Variants in CELF5 observed in about 807,000 individuals in gnomAD.
CELF5 encodes the protein CUG-BP and ETR-3 like factor 5.
A neutral mutation model predicts 54.9 loss-of-function variants in CELF5; 6 were observed. The observed-to-expected ratio is 0.11, with a 90% CI of 0.06 to 0.22. The LOEUF (loss-of-function observed/expected upper bound fraction) is 0.22. CELF5 is among the 10% of genes least tolerant of loss of function. The probability of loss-of-function intolerance (pLI) is 1.00; values close to 1 mark genes in which losing one functional copy is unlikely to be tolerated. For synonymous variants in CELF5, 271 were observed against 290.9 expected (o/e 0.93, Z 0.70); for missense variants, 401 against 678.6 (o/e 0.59, Z 4.54).
intron 2 of CELF5, among the ~76,000 whole-genome samples, chr19:3,270,455 G>A (rs1439579869): frequency 6.6e-6 from 1 of 151,650 alleles, no homozygotes; most frequent in East Asian, 1.9e-4. Context: ...CGACAGGAGG[G>A]GTGGGGTGTG....
chr19:3,276,201 G>A (rs1288893974), intron 4 of CELF5, among the ~76,000 whole-genome samples: 2 of 130,496 alleles, frequency 1.5e-5, no homozygotes, highest in East Asian at 4.7e-4. Context: ...GGCCTGGGGA[G>A]GGGATGGGGC....
At chr19:3,227,258 C>T (rs1916977793) in intron 1 of CELF5, among the ~76,000 whole-genome samples, 1 of 152,156 alleles carries the variant, frequency 6.6e-6, no homozygotes, top group African/African-American at 2.4e-5. Flanking sequence ...GTTTGGGGCT[C>T]AGCTGTGTGA....
At position 3,290,168 on chromosome 19, in the gene CELF5, TC is replaced by T. The variant is rs900363663; in HGVS notation, c.1187-58del. 8 of 1,400,766 alleles carry T rather than the reference TC, an allele frequency of 5.7e-6. No individual in the cohort carries two copies. The African/African-American group carries it at 9.9e-5, about 17-fold the overall frequency. 86.8% of individuals were successfully genotyped at this position (1,400,766 alleles called of 1,614,324 possible). Reference sequence around the variant, plus strand: ...GATGCGGGCTCCAGACCTGTGCCCCTCCCCCGGGGGGGTTCGCCTCCTCTCC... The same window carrying T: ...GATGCGGGCTCCAGACCTGTGCCCCTCCCCGGGGGGGTTCGCCTCCTCTCC... On this transcript the variant is annotated intron_variant, in intron 10 of 12. Transcript: ENST00000292672.
chr19:3,268,533 G>T lies in CELF5; in HGVS notation c.343-5339G>T, dbSNP rs779605836. 6.6e-6 allele frequency among the ~76,000 whole-genome samples: 1 copy of T among 152,184 alleles called. No individual in the cohort carries two copies. The highest frequency in any genetic ancestry group is 1.5e-5 in the Non-Finnish European group (1 of 68,044). On this transcript the variant is annotated intron_variant, in intron 2 of 12. Coordinates refer to ENST00000292672, the MANE Select transcript of CELF5 (RefSeq NM_021938.4). This position sits in a 1 kb window ranked among gnomAD's most constrained non-coding sequence, Gnocchi z 4.4. ...GGCACCAGCTCTTGGGTGACTTCCC[G>T]TGCCAGGCACTGTGCCCGGCATGCT...
rs564672278 is a variant in CELF5 at position 3,260,094 on chromosome 19, C to T, written c.342+9027C>T. ...TATATCCCAATTCTTACCATTTTAACATGCAGTCTATGTATTTCTATTTTT... is the reference window on the plus strand; with the variant it reads ...TATATCCCAATTCTTACCATTTTAATATGCAGTCTATGTATTTCTATTTTT... On this transcript the variant is annotated intron_variant, in intron 2 of 12. Coordinates refer to ENST00000292672, the MANE Select transcript of CELF5 (RefSeq NM_021938.4). Among the ~76,000 whole-genome samples, 27 of 152,236 alleles carry T rather than the reference C, an allele frequency of 1.8e-4. No individual in the cohort carries two copies. The South Asian group carries it at 5.2e-3, about 29-fold the overall frequency.
rs796773123 is a variant in CELF5, at chr19:3,232,741, A to G, written c.259+7743A>G. On this transcript the variant is annotated intron_variant, in intron 1 of 12. Transcript: ENST00000292672. Reference sequence around the variant, plus strand: ...AGGATTGCTTGAGCCCAGGAGTTCCAGACCAGCCTGGGCAACATAGCAAGA... The same window carrying G: ...AGGATTGCTTGAGCCCAGGAGTTCCGGACCAGCCTGGGCAACATAGCAAGA... Among the ~76,000 whole-genome samples, 9 of 152,034 alleles carry G rather than the reference A, an allele frequency of 5.9e-5. 1 individual carries two copies. The highest frequency in any genetic ancestry group is 2.2e-4 in the African/African-American group (9 of 41,476).
rs373202136 is a variant in CELF5, at chr19:3,278,067, C to T, written c.560C>T (p.Ala187Val). Reference sequence around the variant, plus strand: ...GTGAAGTTCTCCTCCCACACGGAGGCGCAGGCGGCCATCCACGCCTTGCAT... The same window carrying T: ...GTGAAGTTCTCCTCCCACACGGAGGTGCAGGCGGCCATCCACGCCTTGCAT... ...AFVKFSSHTE[A>V]QAAIHALHGS... Residue 187 changes from alanine (A) to valine (V), a missense_variant, in exon 5 of 13, where the codon GCG (alanine) becomes GTG (valine). By Grantham distance (64) the Ala-to-Val change is moderately conservative. Transcript: ENST00000292672. The surrounding 1 kb of genome is among the most constrained non-coding windows in gnomAD (Gnocchi z 4.5). The T allele has an allele frequency of 6.2e-7, 1 of 1,612,054 alleles. No individual in the cohort carries two copies.
rs764215603 is a variant in CELF5, at chr19:3,275,902, G to A, written c.441G>A (p.Glu147=). 3 of 1,612,588 alleles carry A rather than the reference G, an allele frequency of 1.9e-6. No homozygotes were observed. In the South Asian group the frequency reaches 3.3e-5, roughly 18 times the overall value. ...GGATGCTGAACAAGCAGCAGTCGGA[G>A]GAGGACGTGCTGCGGCTGTTCCAGC... The part of the protein sequence containing the change: ...FVGMLNKQQS[E]EDVLRLFQPF... Residue 147 remains glutamate, a synonymous_variant, in exon 4 of 13, where the codon GAG becomes GAA. Transcript: ENST00000292672. This position sits in a 1 kb window ranked among gnomAD's most constrained non-coding sequence, Gnocchi z 6.7.
intron 4 of CELF5, among the ~76,000 whole-genome samples, chr19:3,276,777 G>A (rs2080062343): frequency 6.9e-6 from 1 of 145,154 alleles, no homozygotes; most frequent in Non-Finnish European, 1.5e-5. Flanking sequence ...TGCAGGGGCA[G>A]TACCTTGGGA....
At chr19:3,230,190 A>C (rs756555458) in intron 1 of CELF5, among the ~76,000 whole-genome samples, 1 of 152,134 alleles carries the variant, frequency 6.6e-6, no homozygotes, top group African/African-American at 2.4e-5. Context: ...AGAGCTAGAC[A>C]TTGGCACCTA....
At chr19:3,248,783 G>A (rs535475142) in intron 1 of CELF5, among the ~76,000 whole-genome samples, 2 of 151,990 alleles carry the variant, frequency 1.3e-5, no homozygotes, top group Non-Finnish European at 2.9e-5. Context: ...CGTTTCTGGA[G>A]GAACTGTCAA....
intron 1 of CELF5, among the ~76,000 whole-genome samples, chr19:3,233,105 A>G (rs1286829450): frequency 1.3e-5 from 2 of 149,960 alleles, no homozygotes; most frequent in African/African-American, 5.0e-5. Context: ...TTAAAAATAA[A>G]TAAATAAATA....
intron 1 of CELF5, among the ~76,000 whole-genome samples, chr19:3,237,526 G>T (rs988815512): frequency 6.6e-6 from 1 of 152,172 alleles, no homozygotes; most frequent in South Asian, 2.1e-4. Context: ...CGTTGCCATG[G>T]CGTTTGTAAA....
chr19:3,267,108 CGT>C (rs1002889690), intron 2 of CELF5, among the ~76,000 whole-genome samples: 3 of 150,994 alleles, frequency 2.0e-5, no homozygotes, highest in African/African-American at 7.4e-5. Context: ...TGTGTGTGTG[CGT>C]GTGCGTGTGT....
Position 3,281,541 on chromosome 19 carries a change from G to T in CELF5, c.750+196G>T, listed in dbSNP as rs993537132. Among the ~76,000 whole-genome samples the T allele has an allele frequency of 6.6e-6, 1 of 152,078 alleles. No individual in the cohort carries two copies. The highest frequency in any genetic ancestry group is 1.5e-5 in the Non-Finnish European group (1 of 68,024). ...CAGAAGACTGAGCCCTAATCTCACA[G>T]TAACACCCAATCTTGGACCGAGCCC... On this transcript the variant is annotated intron_variant, in intron 6 of 12. Coordinates refer to ENST00000292672, the MANE Select transcript of CELF5 (RefSeq NM_021938.4). This position sits in a 1 kb window ranked among gnomAD's most constrained non-coding sequence, Gnocchi z 6.5.
At chr19:3,232,982 G>C in intron 1 of CELF5, among the ~76,000 whole-genome samples, 1 of 152,024 alleles carries the variant, frequency 6.6e-6, no homozygotes, top group Non-Finnish European at 1.5e-5. Context: ...GCTGAGGCAA[G>C]AGAATCGCTT....
intron 2 of CELF5, among the ~76,000 whole-genome samples, chr19:3,269,445 T>G (rs571038368): frequency 2.0e-5 from 3 of 152,256 alleles, no homozygotes; most frequent in African/African-American, 4.8e-5. Context: ...CTCAAACTGC[T>G]GGGGTTACAG....
intron 8 of CELF5, among the ~76,000 whole-genome samples, chr19:3,284,105 C>T (rs532739885): frequency 6.7e-6 from 1 of 148,810 alleles, no homozygotes; most frequent in Admixed American, 6.8e-5. Flanking sequence ...TCCTCGGCCT[C>T]CCAAAGTGTT....
rs780376592 is a variant in CELF5 at position 3,281,028 on chromosome 19, G to A, written c.604-171G>A. On this transcript the variant is annotated intron_variant, in intron 5 of 12. Transcript: ENST00000292672. The surrounding 1 kb of genome is among the most constrained non-coding windows in gnomAD (Gnocchi z 6.5). ...CTGGGCCCAGGATGCTGATCTCCAC[G>A]CGGTCCTCGCTGTGGCCCTGGCTCC... 1.3e-5 allele frequency among the ~76,000 whole-genome samples: 2 copies of A among 152,154 alleles called. No homozygotes were observed. Among genetic ancestry groups the A allele is most frequent in the African/African-American group, 4.8e-5 (2 of 41,428 alleles).
Sources: allele counts gnomAD v4.1 joint callset (sites outside exome capture counted in the v4.1 genomes callset), GRCh38; gene constraint gnomAD v4.1.1; non-coding constraint Gnocchi (gnomAD v3.1); transcripts MANE v1.5; gene names NCBI Gene and HGNC (gene_info 2026-07-23, HGNC 2026-07-21).